The following GRIN3A variants were observed in gnomAD, a reference collection of about 807,000 sequenced individuals.
The protein encoded by GRIN3A is glutamate ionotropic receptor NMDA type subunit 3A, also known as glutamate receptor ionotropic, NMDA 3A.
GRIN3A carries 47 observed loss-of-function variants against 92.4 expected under a neutral mutation model. That is an observed-to-expected ratio of 0.51 (90% CI 0.40 to 0.65). The LOEUF is 0.65. Ranked by LOEUF, GRIN3A falls within the 30% of genes least tolerant of loss-of-function variation. The pLI is 0.00. For synonymous variants in GRIN3A, 527 were observed against 540.6 expected, an observed-to-expected ratio of 0.97 and a Z score of 0.35; for missense variants, 1,324 against 1,393.1, an observed-to-expected ratio of 0.95 and a Z score of 0.79.
intron 6 of GRIN3A, among the ~76,000 whole-genome samples, chr9:101,610,472 C>T (rs1305737773): frequency 2.0e-5 from 3 of 152,022 alleles, no homozygotes. Flanking sequence ...CTTCTTTTTC[C>T]AATTAAAAAA....
intron 3 of GRIN3A, among the ~76,000 whole-genome samples, chr9:101,666,613 A>T (rs1002977435): frequency 6.6e-6 from 1 of 152,054 alleles, no homozygotes; most frequent in African/African-American, 2.4e-5. Flanking sequence ...CTATGTAACA[A>T]ACCTGCACAT....
intron 6 of GRIN3A, among the ~76,000 whole-genome samples, chr9:101,589,004 T>G (rs953768825): frequency 6.6e-6 from 1 of 152,138 alleles, no homozygotes; most frequent in African/African-American, 2.4e-5. Context: ...GGCGTTTCAC[T>G]GTGACTCCCA....
At chr9:101,632,024 A>G (rs1177338081) in intron 3 of GRIN3A, among the ~76,000 whole-genome samples, 2 of 152,182 alleles carry the variant, frequency 1.3e-5, no homozygotes, top group Non-Finnish European at 2.9e-5. Flanking sequence ...AAGGTTCAGC[A>G]TGTTTGGCTC....
At chr9:101,696,987 T>C (rs1267869195) in intron 1 of GRIN3A, among the ~76,000 whole-genome samples, 1 of 152,206 alleles carries the variant, frequency 6.6e-6, no homozygotes, top group Non-Finnish European at 1.5e-5. Flanking sequence ...TGTGATGTAA[T>C]ATGCCTTTTA....
chr9:101,648,191 T>C (rs1440491360), intron 3 of GRIN3A, among the ~76,000 whole-genome samples: 2 of 152,048 alleles, frequency 1.3e-5, no homozygotes, highest in African/African-American at 4.8e-5. Flanking sequence ...AAGGAATTTT[T>C]AAATTTCCTT....
At chr9:101,730,132 G>GGT (rs1333707500) in intron 1 of GRIN3A, among the ~76,000 whole-genome samples, 1 of 152,092 alleles carries the variant, frequency 6.6e-6, no homozygotes, top group Non-Finnish European at 1.5e-5. Flanking sequence ...GGAGCAACTA[G>GGT]GTAAAACTGG....
chr9:101,680,364 T>A (rs2506350), intron 2 of GRIN3A, among the ~76,000 whole-genome samples: 130,493 of 152,210 alleles, frequency 0.86, 56,241 homozygotes, highest in African/African-American at 0.94. Flanking sequence ...CTAATTCTTC[T>A]CAATGCCTGG....
At chr9:101,693,065 G>T (rs1829640236) in intron 1 of GRIN3A, among the ~76,000 whole-genome samples, 1 of 151,862 alleles carries the variant, frequency 6.6e-6, no homozygotes, top group South Asian at 2.1e-4. Flanking sequence ...CAAAATCAAG[G>T]TTCAGAAAAA....
At chr9:101,635,590 T>G (rs1330439991) in intron 3 of GRIN3A, among the ~76,000 whole-genome samples, 1 of 152,234 alleles carries the variant, frequency 6.6e-6, no homozygotes, top group Non-Finnish European at 1.5e-5. Context: ...TAAGGTTTAA[T>G]AAATGTCAGC....
chr9:101,622,377 G>C (rs1276604871), intron 5 of GRIN3A, among the ~76,000 whole-genome samples: 1 of 152,240 alleles, frequency 6.6e-6, no homozygotes, highest in Non-Finnish European at 1.5e-5. Flanking sequence ...GCTGTCTCGA[G>C]AGCCAGCATG....
chr9:101,602,039 GT>G (rs1828218231), intron 6 of GRIN3A, among the ~76,000 whole-genome samples: 1 of 152,126 alleles, frequency 6.6e-6, no homozygotes, highest in Non-Finnish European at 1.5e-5. Context: ...CCAGATGTGC[GT>G]GCATTGGCTT....
intron 6 of GRIN3A, among the ~76,000 whole-genome samples, chr9:101,591,458 A>G (rs1828025269): frequency 6.6e-6 from 1 of 152,228 alleles, no homozygotes; most frequent in South Asian, 2.1e-4. Flanking sequence ...GTTCAAATCC[A>G]TGCTTTGCCA....
In GRIN3A at chr9:101,686,853, G is replaced by A; in HGVS notation, c.1047C>T (p.Pro349=). 7 of 1,614,182 alleles carry A rather than the reference G, an allele frequency of 4.3e-6. No individual in the cohort carries two copies. Among genetic ancestry groups the A allele is most frequent in the Non-Finnish European group, 5.9e-6 (7 of 1,180,032 alleles). Residue 349 remains proline (P), a synonymous_variant, in exon 2 of 9, where the codon CCC becomes CCT. Transcript: ENST00000361820. The stretch of plus-strand genomic sequence containing the variant: ...CTCCCAGCACCCAACGAAGTTCAGG[G>A]GGCATGACCCCAAACTGGGTTGTAA... ...FEITTQFGVM[P]PELRWVLGDS...
At chr9:101,606,060 C>A (rs1220940190) in intron 6 of GRIN3A, among the ~76,000 whole-genome samples, 3 of 152,160 alleles carry the variant, frequency 2.0e-5, no homozygotes, top group African/African-American at 7.2e-5. Context: ...TTTAAGTGGA[C>A]TTGATTGTAC....
intron 3 of GRIN3A, among the ~76,000 whole-genome samples, chr9:101,659,305 C>T (rs1042661513): frequency 1.3e-5 from 2 of 151,202 alleles, no homozygotes; most frequent in African/African-American, 2.4e-5. Context: ...TATATAAATA[C>T]ACACATAAAT....
chr9:101,691,495 AC>A (rs1394903660), intron 1 of GRIN3A, among the ~76,000 whole-genome samples: 12 of 152,216 alleles, frequency 7.9e-5, no homozygotes, highest in African/African-American at 2.4e-4. Context: ...TAAGAAAAAA[AC>A]GAGATGTATT....
intron 6 of GRIN3A, among the ~76,000 whole-genome samples, chr9:101,590,820 C>T (rs561548964): frequency 1.7e-3 from 262 of 152,230 alleles, no homozygotes; most frequent in African/African-American, 6.2e-3. Context: ...GGAATTTATA[C>T]TTTTTTTAAA....
chr9:101,586,220 C>T (rs901863528), intron 6 of GRIN3A, among the ~76,000 whole-genome samples: 1 of 152,142 alleles, frequency 6.6e-6, no homozygotes, highest in African/African-American at 2.4e-5. Flanking sequence ...TTATTTCTCT[C>T]TTGACATAGT....
At chr9:101,676,275 C>CT (rs552102260) in intron 2 of GRIN3A, among the ~76,000 whole-genome samples, 4 of 151,816 alleles carry the variant, frequency 2.6e-5, no homozygotes, top group East Asian at 1.9e-4. Flanking sequence ...ATCTACCTCT[C>CT]TTTTTTTTCT....
Sources: allele counts gnomAD v4.1 joint callset (sites outside exome capture counted in the v4.1 genomes callset), GRCh38; gene constraint gnomAD v4.1.1; transcripts MANE v1.5; gene names NCBI Gene and HGNC (gene_info 2026-07-23, HGNC 2026-07-21).